The following DPYD variants were observed in gnomAD, a reference collection of about 807,000 sequenced individuals.
The protein encoded by DPYD is dihydropyrimidine dehydrogenase.
In DPYD, 109 loss-of-function variants were observed where a neutral mutation model predicts 116.2. The ratio of observed to expected loss-of-function variants is 0.94; its 90% CI spans 0.80 to 1.10. The LOEUF is 1.10. Ranked by LOEUF, DPYD falls within the 50% of genes least tolerant of loss-of-function variation. The pLI is 0.00. For synonymous variants in DPYD, 440 were observed against 432.0 expected (o/e 1.02, Z -0.23); for missense variants, 1,302 against 1,254.5 (o/e 1.04, Z -0.57).
At chr1:97,455,641 A>C (rs923001461) in intron 13 of DPYD, among the ~76,000 whole-genome samples, 6 of 151,960 alleles carry the variant, frequency 3.9e-5, no homozygotes, top group African/African-American at 4.8e-5. Context: ...TGAATAGCTA[A>C]AAGTGAAATA....
intron 20 of DPYD, among the ~76,000 whole-genome samples, chr1:97,168,361 C>T (rs1382934853): frequency 6.6e-6 from 1 of 152,144 alleles, no homozygotes; most frequent in Non-Finnish European, 1.5e-5. Flanking sequence ...TTCCTGTTGT[C>T]TGGGTTCAAA....
intron 8 of DPYD, among the ~76,000 whole-genome samples, chr1:97,599,198 T>A (rs187739407): frequency 6.6e-6 from 1 of 152,326 alleles, no homozygotes; most frequent in East Asian, 1.9e-4. Context: ...TTAAGTGAAT[T>A]CCTCTTGGGT....
At chr1:97,641,830 T>C (rs951586221) in intron 8 of DPYD, among the ~76,000 whole-genome samples, 1 of 152,176 alleles carries the variant, frequency 6.6e-6, no homozygotes, top group Non-Finnish European at 1.5e-5. Context: ...GCAGATGACA[T>C]GATTGTATAT....
chr1:97,165,675 G>A lies in DPYD; in HGVS notation c.2622+27394C>T, dbSNP rs983848533. ...AGAAAATATTTGCAAACTATGTATC[G>A]AACAAAGATCTAATATCCTGAATCA... On this transcript the variant is annotated intron_variant, in intron 20 of 22. Coordinates refer to ENST00000370192, the MANE Select transcript of DPYD (RefSeq NM_000110.4). Among the ~76,000 whole-genome samples the A allele has an allele frequency of 1.8e-4, 27 of 152,082 alleles. 1 individual carries two copies. Among genetic ancestry groups the A allele is most frequent in the Middle Eastern group, 6.8e-3 (2 of 294 alleles).
At position 97,878,018 on chromosome 1, in the gene DPYD, T is replaced by C. The variant is rs1298015788; in HGVS notation, c.150+5246A>G. Among the ~76,000 whole-genome samples the C allele has an allele frequency of 2.0e-5, 3 of 151,888 alleles. No individual in the cohort carries two copies. In the South Asian group the frequency reaches 6.2e-4, roughly 32 times the overall value. On this transcript the variant is annotated intron_variant, in intron 2 of 22. Transcript: ENST00000370192. ...TTAAACGTATTTGGAACATAAGAAA[T>C]ATTATTAGAAAAACATATTAATCTA...
At chr1:97,874,062 T>A (rs943368955) in intron 2 of DPYD, among the ~76,000 whole-genome samples, 5 of 152,012 alleles carry the variant, frequency 3.3e-5, no homozygotes, top group Non-Finnish European at 5.9e-5. Flanking sequence ...TCAACTAATT[T>A]AGTTATTATA....
chr1:97,836,465 T>C (rs1403702135), intron 2 of DPYD, among the ~76,000 whole-genome samples: 1 of 152,174 alleles, frequency 6.6e-6, no homozygotes, highest in Non-Finnish European at 1.5e-5. Flanking sequence ...CATGATGTAC[T>C]GTAATAACAC....
chr1:97,624,192 T>C (rs1656792968), intron 8 of DPYD, among the ~76,000 whole-genome samples: 1 of 151,910 alleles, frequency 6.6e-6, no homozygotes, highest in African/African-American at 2.4e-5. Flanking sequence ...TAGAGACAAC[T>C]TACAGATCAA....
At chr1:97,554,971 T>C (rs1651587061) in intron 11 of DPYD, among the ~76,000 whole-genome samples, 1 of 152,106 alleles carries the variant, frequency 6.6e-6, no homozygotes, top group Non-Finnish European at 1.5e-5. Flanking sequence ...ATGGTTATCT[T>C]TTCTCACTGC....
chr1:97,253,115 T>A (rs1428849923), intron 18 of DPYD, among the ~76,000 whole-genome samples: 2 of 152,152 alleles, frequency 1.3e-5, no homozygotes, highest in Admixed American at 1.3e-4. Flanking sequence ...CTAAAGGCTG[T>A]AGGCAAACAA....
intron 5 of DPYD, among the ~76,000 whole-genome samples, chr1:97,708,662 T>A (rs1662118734): frequency 1.3e-5 from 2 of 152,038 alleles, no homozygotes; most frequent in Non-Finnish European, 2.9e-5. Flanking sequence ...AGTTTGTCAA[T>A]ATCTATAAAA....
intron 14 of DPYD, among the ~76,000 whole-genome samples, chr1:97,447,405 T>C (rs2101781700): frequency 6.6e-6 from 1 of 152,320 alleles, no homozygotes; most frequent in African/African-American, 2.4e-5. Context: ...CTGTCTACTC[T>C]CAGCATGGCA....
chr1:97,586,011 GA>G, intron 10 of DPYD: 1 of 226,628 alleles, frequency 4.4e-6, no homozygotes, highest in Non-Finnish European at 9.1e-6. Context: ...ATGCCCATCT[GA>G]AAGGATGATG....
chr1:97,442,425 T>C (rs577224407), intron 14 of DPYD, among the ~76,000 whole-genome samples: 37 of 151,368 alleles, frequency 2.4e-4, no homozygotes, highest in Non-Finnish European at 3.4e-4. Context: ...AATACTTGGC[T>C]ACATGGAGCC....
At chr1:97,398,512 G>T (rs558108575) in intron 14 of DPYD, among the ~76,000 whole-genome samples, 1 of 151,442 alleles carries the variant, frequency 6.6e-6, no homozygotes, top group South Asian at 2.1e-4. Flanking sequence ...GATCCCTGAG[G>T]AATCACCACA....
chr1:97,682,686 A>G (rs1172766978), intron 7 of DPYD, among the ~76,000 whole-genome samples: 1 of 152,152 alleles, frequency 6.6e-6, no homozygotes, highest in Non-Finnish European at 1.5e-5. Context: ...TGTTAAATAT[A>G]TATGATGCTA....
intron 20 of DPYD, among the ~76,000 whole-genome samples, chr1:97,111,501 G>A (rs1333110830): frequency 6.7e-6 from 1 of 149,512 alleles, no homozygotes; most frequent in Non-Finnish European, 1.5e-5. Flanking sequence ...TTTTTTTTTG[G>A]TCTGCATCCA....
chr1:97,094,368 C>G (rs911436443), intron 21 of DPYD, among the ~76,000 whole-genome samples: 5 of 152,026 alleles, frequency 3.3e-5, no homozygotes, highest in African/African-American at 4.8e-5. Context: ...GAAAGCAGGA[C>G]AGTTAATATA....
At chr1:97,695,568 T>C (rs1219911635) in intron 6 of DPYD, among the ~76,000 whole-genome samples, 3 of 151,278 alleles carry the variant, frequency 2.0e-5, no homozygotes. Flanking sequence ...CCAGAAATAA[T>C]GACCAGCACA....
Sources: gnomAD v4.1 joint callset for allele counts (sites outside exome capture counted in the v4.1 genomes callset) on GRCh38, gnomAD v4.1.1 for gene constraint, MANE v1.5 for transcripts, NCBI Gene and HGNC (gene_info 2026-07-23, HGNC 2026-07-21) for gene names.